The following UGT1A1 variants were observed in gnomAD, a reference collection of about 807,000 sequenced individuals.
UGT1A1 encodes the protein UDP-glucuronosyltransferase 1A1.
Under a neutral mutation model 40.6 loss-of-function variants are expected in UGT1A1, and 33 were observed. The observed-to-expected ratio is 0.81, with a 90% CI of 0.62 to 1.09. The LOEUF (loss-of-function observed/expected upper bound fraction) is 1.09, where lower values mean the gene tolerates loss of function less well. Among genes scored for constraint, UGT1A1 ranks in the 50% least tolerant of loss-of-function variants. The pLI is 0.00. For missense variants in UGT1A1, 694 were observed against 671.2 expected, an observed-to-expected ratio of 1.03 and a Z score of -0.38; for synonymous variants, 249 against 265.0, an observed-to-expected ratio of 0.94 and a Z score of 0.59.
In UGT1A1 at chr2:233,768,066, C is replaced by T; in HGVS notation, c.1084+130C>T. The T allele has an allele frequency of 1.9e-6, 3 of 1,597,468 alleles. No homozygotes were observed. In the Admixed American group the frequency reaches 5.2e-5, roughly 28 times the overall value. On this transcript the variant is annotated intron_variant, in intron 3 of 4. Coordinates refer to ENST00000305208, the MANE Select transcript of UGT1A1 (RefSeq NM_000463.3). ...CAACATATCCTACATTGCTTTTTAT[C>T]TAGTGGGGTATCTCAACCCACATTT...
At position 233,761,035 on chromosome 2, in the gene UGT1A1, T is replaced by C. The variant is rs57307513; in HGVS notation, c.748T>C (p.Ser250Pro). The change falls in exon 1 of 5, where the codon TCT (serine) becomes CCT (proline). Residue 250 changes from serine (S) to proline (P), a missense_variant. Physicochemically the swap from Ser to Pro is moderately conservative, Grantham distance 74 (BLOSUM62 -1). Transcript: ENST00000305208. ...GGTGACTGTCCAGGACCTATTGAGC[T>C]CTGCATCTGTCTGGCTGTTTAGAAG... ...REVTVQDLLSSASVWLFRSDF... is the reference protein window; with the variant it reads ...REVTVQDLLSPASVWLFRSDF... The C allele has an allele frequency of 4.4e-4, 717 of 1,614,210 alleles. No individual in the cohort carries two copies. Among genetic ancestry groups the C allele is most frequent in the Non-Finnish European group, 5.5e-4 (645 of 1,180,032 alleles).
Position 233,767,880 on chromosome 2 carries a change from C to A in UGT1A1, c.1028C>A (p.Ser343Ter), listed in dbSNP as rs144978321. 4.3e-6 allele frequency: 7 copies of A among 1,614,168 alleles called. No individual in the cohort carries two copies. Among genetic ancestry groups the A allele is most frequent in the Non-Finnish European group, 5.1e-6 (6 of 1,180,044 alleles). ...VLWRYTGTRP[S>*]NLANNTILVK... ...TGGCGGTACACTGGAACCCGACCAT[C>A]GAATCTTGCGAACAACACGATACTT... The change falls in exon 3 of 5, where the codon TCG (serine) becomes TAG (stop). Residue 343 changes from serine (S) to a stop codon, truncating the protein, a stop_gained. Coordinates refer to ENST00000305208, the MANE Select transcript of UGT1A1 (RefSeq NM_000463.3). LOFTEE classifies it high-confidence loss of function.
chr2:233,762,045 A>G (rs187851388), intron 1 of UGT1A1, among the ~76,000 whole-genome samples: 1 of 151,958 alleles, frequency 6.6e-6, no homozygotes, highest in African/African-American at 2.4e-5. Flanking sequence ...TTTTCTGTGC[A>G]TTTTCCTTCA....
Position 233,769,695 on chromosome 2 carries a change from A to G in UGT1A1, c.1304+1256A>G, listed in dbSNP as rs1699919505. ...AATGTGTGTGTGGTGGCACTGGATA[A>G]AAGATCAATGTTGGCTAGGCACCAT... On this transcript the variant is annotated intron_variant, in intron 4 of 4. Transcript: ENST00000305208. The surrounding 1 kb of genome is among the most constrained non-coding windows in gnomAD (Gnocchi z 4.4). The G allele has an allele frequency of 6.5e-7, 1 of 1,540,004 alleles. No individual in the cohort carries two copies. Among genetic ancestry groups the G allele is most frequent in the South Asian group, 1.2e-5 (1 of 81,286 alleles).
chr2:233,770,680 G>C (rs940972002), intron 4 of UGT1A1: 1 of 151,464 alleles, frequency 6.6e-6, no homozygotes, highest in Non-Finnish European at 1.5e-5. Context: ...AAAAAAGAAG[G>C]TTCCAAGAAA....
rs1697424081 is a variant in UGT1A1, at chr2:233,760,377, A to G, written c.90A>G (p.Ile30Met). ...LGPVVSHAGKILLIPVDGSHW... is the reference protein window; with the variant it reads ...LGPVVSHAGKMLLIPVDGSHW... ...CAGTGGTGTCCCATGCTGGGAAGAT[A>G]CTGTTGATCCCAGTGGATGGCAGCC... Residue 30 changes from isoleucine to methionine, a missense_variant, in exon 1 of 5, where the codon ATA (isoleucine) becomes ATG (methionine). Ile to Met is a conservative substitution (Grantham distance 10, BLOSUM62 1). Transcript: ENST00000305208. The G allele has an allele frequency of 1.2e-6, 2 of 1,614,124 alleles. No individual in the cohort carries two copies. Among genetic ancestry groups the G allele is most frequent in the Admixed American group, 1.7e-5 (1 of 60,026 alleles).
chr2:233,769,657 C>A lies in UGT1A1; in HGVS notation c.1304+1218C>A, dbSNP rs551497641. On this transcript the variant is annotated intron_variant, in intron 4 of 4. Coordinates refer to ENST00000305208, the MANE Select transcript of UGT1A1 (RefSeq NM_000463.3). This position sits in a 1 kb window ranked among gnomAD's most constrained non-coding sequence, Gnocchi z 4.4. ...GGGAGGACTGATGACTGACTTCCCACCTTTGAGGTGCTAATGTGTGTGTGG... is the reference window on the plus strand; with the variant it reads ...GGGAGGACTGATGACTGACTTCCCAACTTTGAGGTGCTAATGTGTGTGTGG... 2.5e-6 allele frequency: 4 copies of A among 1,602,364 alleles called. No individual in the cohort carries two copies. Among genetic ancestry groups the A allele is most frequent in the East Asian group, 4.5e-5 (2 of 44,626 alleles).
intron 1 of UGT1A1, among the ~76,000 whole-genome samples, chr2:233,766,257 A>AGTGGCCCGGGCTCG (rs36213637): frequency 2.6e-5 from 4 of 151,512 alleles, no homozygotes; most frequent in African/African-American, 4.9e-5. Context: ...CAGACCGCTC[A>AGTGGCCCGGGCTCG]GTGGCCCGGG....
intron 2 of UGT1A1, 67 bp from the exon 3 acceptor site, chr2:233,767,782 A>T: frequency 3.1e-6 from 5 of 1,613,494 alleles, no homozygotes; most frequent in Non-Finnish European, 4.2e-6. Context: ...TCTAGTTAGT[A>T]TAGCAGATTT....
intron 1 of UGT1A1, among the ~76,000 whole-genome samples, chr2:233,761,544 A>G (rs745620081): frequency 8.5e-5 from 13 of 152,226 alleles, no homozygotes; most frequent in Non-Finnish European, 1.6e-4. Context: ...TCATTCTTTG[A>G]TGATGATAGA....
intron 1 of UGT1A1, 110 bp from the exon 2 acceptor site, chr2:233,766,924 A>G (rs985684086): frequency 6.4e-7 from 1 of 1,565,332 alleles, no homozygotes; most frequent in Admixed American, 1.9e-5. Flanking sequence ...TCAAACACGC[A>G]TGCCTTTAAT....
chr2:233,765,207 A>G (rs1013371126), intron 1 of UGT1A1, among the ~76,000 whole-genome samples: 18 of 152,214 alleles, frequency 1.2e-4, no homozygotes, highest in Non-Finnish European at 1.5e-5. Context: ...TAGTGCCCTC[A>G]GTATTCTTTG....
intron 1 of UGT1A1, among the ~76,000 whole-genome samples, chr2:233,766,036 G>T (rs1393520685): frequency 6.6e-6 from 1 of 152,138 alleles, no homozygotes; most frequent in Non-Finnish European, 1.5e-5. Context: ...GCCCTCTATA[G>T]TCAGCTTGTG....
rs1315279815 is a variant in UGT1A1 at position 233,769,066 on chromosome 2, A to T, written c.1304+627A>T. Reference sequence around the variant, plus strand: ...ATCCATAAGTTTCCTGCACAGAAAGAAATACTCCATTATAAGAAGCATAGT... The same window carrying T: ...ATCCATAAGTTTCCTGCACAGAAAGTAATACTCCATTATAAGAAGCATAGT... On this transcript the variant is annotated intron_variant, in intron 4 of 4. Transcript: ENST00000305208. The surrounding 1 kb of genome is among the most constrained non-coding windows in gnomAD (Gnocchi z 4.4). 6.6e-6 allele frequency among the ~76,000 whole-genome samples: 1 copy of T among 152,220 alleles called. No homozygotes were observed. Among genetic ancestry groups the T allele is most frequent in the African/African-American group, 2.4e-5 (1 of 41,470 alleles).
Position 233,772,828 on chromosome 2 carries a change from C to T in UGT1A1, c.*269C>T, listed in dbSNP as rs762669023. The stretch of plus-strand genomic sequence containing the variant: ...TTCAGAGGACGTGCAGACAGGCTGG[C>T]ATTCTAGATTACTTTTCTTACTCTG... On this transcript the variant is annotated 3_prime_UTR_variant, in exon 5 of 5. Coordinates refer to ENST00000305208, the MANE Select transcript of UGT1A1 (RefSeq NM_000463.3). 7.5e-5 allele frequency: 69 copies of T among 921,010 alleles called. No individual in the cohort carries two copies. The highest frequency in any genetic ancestry group is 9.8e-5 in the Non-Finnish European group (65 of 663,798). 57.1% of individuals were successfully genotyped at this position (921,010 alleles called of 1,614,324 possible).
rs781412186 is a variant in UGT1A1, at chr2:233,767,080, T to C, written c.911T>C (p.Val304Ala). 6.2e-7 allele frequency: 1 copy of C among 1,614,096 alleles called. No individual in the cohort carries two copies. Among genetic ancestry groups the C allele is most frequent in the South Asian group, 1.1e-5 (1 of 91,078 alleles). ...INASGEHGIV[V>A]FSLGSMVSEI... The stretch of plus-strand genomic sequence containing the variant: ...GCTTCTGGAGAACATGGAATTGTGG[T>C]TTTCTCTTTGGGATCAATGGTCTCA... The change falls in exon 2 of 5, where the codon GTT becomes GCT. Residue 304 changes from valine (V) to alanine (A), a missense_variant. By Grantham distance (64) the Val-to-Ala change is moderately conservative. Transcript: ENST00000305208.
chr2:233,760,858 T>C lies in UGT1A1; in HGVS notation c.571T>C (p.Ser191Pro), dbSNP rs1196570380. 1 of 1,614,090 alleles carries C rather than the reference T, an allele frequency of 6.2e-7. No homozygotes were observed. The highest frequency in any genetic ancestry group is 8.5e-7 in the Non-Finnish European group (1 of 1,179,970). ...FEATQCPNPF[S>P]YVPRPLSSHS... is the part of the protein sequence containing the mutation. ...GGCTACCCAGTGCCCCAACCCATTC[T>C]CCTACGTGCCCAGGCCTCTCTCCTC... The change falls in exon 1 of 5, where the codon TCC becomes CCC. Residue 191 changes from serine (S) to proline (P), a missense_variant. Transcript: ENST00000305208.
At chr2:233,761,722 G>C (rs1220395060) in intron 1 of UGT1A1, among the ~76,000 whole-genome samples, 1 of 152,224 alleles carries the variant, frequency 6.6e-6, no homozygotes, top group African/African-American at 2.4e-5. Context: ...CAAGCTATTA[G>C]GTTTATTTTT....
chr2:233,768,737 C>A (rs947383404), intron 4 of UGT1A1, among the ~76,000 whole-genome samples: 9 of 151,868 alleles, frequency 5.9e-5, no homozygotes, highest in Admixed American at 5.2e-4. Flanking sequence ...TGTCCACCAC[C>A]ACGCCCGGTT....
Sources: allele counts gnomAD v4.1 joint callset (sites outside exome capture counted in the v4.1 genomes callset), GRCh38; gene constraint gnomAD v4.1.1; non-coding constraint Gnocchi (gnomAD v3.1); transcripts MANE v1.5; gene names NCBI Gene and HGNC (gene_info 2026-07-23, HGNC 2026-07-21).